Variants in TTC3 observed in about 807,000 individuals in gnomAD.
TTC3 encodes the protein E3 ubiquitin-protein ligase TTC3.
TTC3 carries 180 observed loss-of-function variants against 249.6 expected under a neutral mutation model. The ratio of observed to expected loss-of-function variants is 0.72; its 90% CI spans 0.64 to 0.82. The LOEUF is 0.82. Ranked by LOEUF, TTC3 falls within the 40% of genes least tolerant of loss-of-function variation. The pLI, the probability that TTC3 is intolerant of heterozygous loss-of-function variation, is 0.00. For missense variants in TTC3, 2,061 were observed against 2,398.4 expected (o/e 0.86, Z 2.94); for synonymous variants, 717 against 805.0 (o/e 0.89, Z 1.85).
In TTC3 at chr21:37,200,275, A is replaced by C. The variant is rs766130513; in HGVS notation, c.5894A>C (p.Lys1965Thr). 3.7e-6 allele frequency: 6 copies of C among 1,614,254 alleles called. No homozygotes were observed. In the Admixed American group the frequency reaches 5.0e-5, roughly 13 times the overall value. Residue 1965 changes from lysine to threonine, a missense_variant, in exon 45 of 46, where the codon AAA (lysine) becomes ACA (threonine). Coordinates refer to ENST00000355666, the Ensembl canonical transcript of TTC3. ...TGTGAAATATGCCACGAGGTGTTCA[A>C]ATCAAAAAACGTGCGTGTGCTCAAA...
intron 36 of TTC3, among the ~76,000 whole-genome samples, chr21:37,183,540 G>C (rs2082945256): frequency 6.6e-6 from 1 of 152,104 alleles, no homozygotes; most frequent in Non-Finnish European, 1.5e-5. Context: ...CATTGTATTT[G>C]CTCATGGTCC....
chr21:37,169,690 T>A (rs1459829641), intron 34 of TTC3, among the ~76,000 whole-genome samples: 1 of 143,026 alleles, frequency 7.0e-6, no homozygotes, highest in Non-Finnish European at 1.5e-5. Context: ...CTACTAAAAT[T>A]AAAAAAAATT....
At chr21:37,166,514 AATG>A (rs1307683189) in exon 33 of TTC3, 3 of 1,614,178 alleles carry the variant, frequency 1.9e-6, no homozygotes, top group Non-Finnish European at 2.5e-6. Context: ...GTCTAACAGA[AATG>A]ATGAGCACTG....
chr21:37,132,496 A>G (rs1662001292), intron 16 of TTC3, among the ~76,000 whole-genome samples, 186 bp from the exon 17 acceptor site: 1 of 152,036 alleles, frequency 6.6e-6, no homozygotes, highest in African/African-American at 2.4e-5. Context: ...TATTTTTAGT[A>G]GAGACAGAGT....
At chr21:37,119,404 G>C (rs144315837) in intron 11 of TTC3, among the ~76,000 whole-genome samples, 1,530 of 152,272 alleles carry the variant, frequency 0.01, 17 homozygotes, top group East Asian at 0.03. Flanking sequence ...CTTGTTCCCT[G>C]TTAACCTTTC....
rs543877811 is a variant in TTC3 at position 37,112,836 on chromosome 21, A to G, written c.900+4390A>G. ...AATCCAGCAACACATCAAAAAGGTT[A>G]TCCACCATGATCAAGTGGGCTTCAT... On this transcript the variant is annotated intron_variant, in intron 11 of 45. Transcript: ENST00000355666. Among the ~76,000 whole-genome samples the G allele has an allele frequency of 1.4e-3, 219 of 152,364 alleles. 2 individuals carry two copies. The highest frequency in any genetic ancestry group is 4.8e-3 in the African/African-American group (201 of 41,580).
intron 31 of TTC3, 54 bp downstream of exon 31, chr21:37,162,117 A>C: frequency 8.8e-7 from 1 of 1,134,934 alleles, no homozygotes; most frequent in Non-Finnish European, 1.3e-6. Context: ...TCTTTACTTA[A>C]TAAGTTGTGT....
rs772618630 is a variant in TTC3, at chr21:37,172,608, G to A, written c.4481G>A (p.Arg1494Gln). Residue 1494 changes from arginine (R) to glutamine (Q), a missense_variant, in exon 35 of 46, where the codon CGG (arginine) becomes CAG (glutamine). This residue lies in a region of TTC3 where 1,040 missense variants were observed against 1,186.1 expected (regional missense o/e 0.88). Coordinates refer to ENST00000355666, the Ensembl canonical transcript of TTC3. ...ATTCACTTTTAGGGGGAAATTTCAC[G>A]GATTGAAAAGGAGCACCAAGTATTA... 2.2e-5 allele frequency: 36 copies of A among 1,607,300 alleles called. 1 individual carries two copies. Among genetic ancestry groups the A allele is most frequent in the South Asian group, 1.9e-4 (17 of 89,036 alleles).
chr21:37,152,369 G>A (rs1347088306), intron 26 of TTC3, among the ~76,000 whole-genome samples: 1 of 148,860 alleles, frequency 6.7e-6, no homozygotes, highest in African/African-American at 2.5e-5. Flanking sequence ...TATTTTAGGG[G>A]AACTAAGTTG....
In TTC3 at chr21:37,167,259, G is replaced by T. The variant is rs560175331; in HGVS notation, c.4402-296G>T. ...GAGATGAAATCAAGATTCTCCTATG[G>T]TTGCCTTTATAGGGTATGAATTCAT... On this transcript the variant is annotated intron_variant, in intron 33 of 45. Coordinates refer to ENST00000355666, the Ensembl canonical transcript of TTC3. Among the ~76,000 whole-genome samples, 4 of 152,164 alleles carry T rather than the reference G, an allele frequency of 2.6e-5. No homozygotes were observed. The South Asian group carries it at 8.3e-4, about 32-fold the overall frequency.
intron 1 of TTC3, among the ~76,000 whole-genome samples, chr21:37,079,517 G>GTTTTTTTTTTTTTTTTT (rs60361476): frequency 3.3e-5 from 3 of 91,176 alleles, no homozygotes; most frequent in African/African-American, 9.6e-5. Context: ...TTATGGTATG[G>GTTTTTTTTTTTTTTTTT]TTTTTTTTTT....
chr21:37,098,081 G>A, intron 10 of TTC3: 1 of 586,200 alleles, frequency 1.7e-6, no homozygotes, highest in Non-Finnish European at 3.1e-6. Context: ...CTAGAGGAAT[G>A]GATGGGCTTG....
At chr21:37,135,497 G>T in exon 18 of TTC3, 1 of 1,612,684 alleles carries the variant, frequency 6.2e-7, no homozygotes, top group Non-Finnish European at 8.5e-7. Context: ...GAACGGTTTA[G>T]ATCCTCAAAA....
At chr21:37,091,483 G>C in intron 7 of TTC3, 70 bp downstream of exon 7, 1 of 1,370,814 alleles carries the variant, frequency 7.3e-7, no homozygotes, top group Non-Finnish European at 9.7e-7. Context: ...GAGATATGTA[G>C]TTAAGTGATT....
chr21:37,150,687 G>A, intron 24 of TTC3, 133 bp from the exon 25 acceptor site: 1 of 672,914 alleles, frequency 1.5e-6, no homozygotes, highest in Admixed American at 2.9e-5. Context: ...CTTTTGTCTG[G>A]GTCAGAACAT....
At chr21:37,082,511 T>G (rs972417893) in intron 1 of TTC3, 11 of 985,270 alleles carry the variant, frequency 1.1e-5, no homozygotes, top group Non-Finnish European at 1.3e-5. Flanking sequence ...AAAGTTTAGC[T>G]GGCATCACTT....
At chr21:37,145,918 C>T (rs921820514) in intron 21 of TTC3, among the ~76,000 whole-genome samples, 4 of 152,226 alleles carry the variant, frequency 2.6e-5, no homozygotes, top group Admixed American at 2.6e-4. Flanking sequence ...ACACCTCCCA[C>T]TGTGCCTCAC....
intron 27 of TTC3, 39 bp downstream of exon 27, chr21:37,153,316 C>T (rs751370544): frequency 1.6e-5 from 24 of 1,537,872 alleles, no homozygotes; most frequent in South Asian, 6.2e-5. Context: ...AACTTTAATA[C>T]GAAGGGGAAG....
At chr21:37,200,759 C>A (rs912774530) in intron 45 of TTC3, among the ~76,000 whole-genome samples, 1 of 152,192 alleles carries the variant, frequency 6.6e-6, no homozygotes, top group South Asian at 2.1e-4. Flanking sequence ...CTGCTCGTAC[C>A]GTTCTGGGAT....
Sources: gnomAD v4.1 joint callset for allele counts (sites outside exome capture counted in the v4.1 genomes callset) on GRCh38, gnomAD v4.1.1 for gene constraint, gnomAD v4.1.1 regional missense constraint, MANE v1.5 for transcripts, NCBI Gene and HGNC (gene_info 2026-07-23, HGNC 2026-07-21) for gene names.